PCCB: variants seen among roughly 807,000 people sequenced by gnomAD.
The protein encoded by PCCB is propionyl-CoA carboxylase subunit beta, also known as propionyl-CoA carboxylase beta chain, mitochondrial.
PCCB carries 43 observed loss-of-function variants against 60.7 expected under a neutral mutation model. That is an observed-to-expected ratio of 0.71 (90% CI 0.55 to 0.91). The LOEUF is 0.91. PCCB is among the 40% of genes least tolerant of loss of function. The pLI is 0.00. For synonymous variants in PCCB, 276 were observed against 255.9 expected (o/e 1.08, Z -0.75); for missense variants, 766 against 702.8 (o/e 1.09, Z -1.02).
intron 5 of PCCB, among the ~76,000 whole-genome samples, chr3:136,274,586 A>G (rs964719749): frequency 6.6e-6 from 1 of 152,160 alleles, no homozygotes; most frequent in Non-Finnish European, 1.5e-5. Context: ...AGATAGCCCG[A>G]TGACTATGTG....
At position 136,330,083 on chromosome 3, in the gene PCCB, A is replaced by G; in HGVS notation, c.*57A>G. The G allele has an allele frequency of 2.5e-6, 4 of 1,612,348 alleles. No homozygotes were observed. The East Asian group carries it at 6.7e-5, about 27-fold the overall frequency. Reference sequence around the variant, plus strand: ...ATTACTGTCTGCCCATTCACATCCCATTCCTGCCTTTTGCAATCATGAAAC... The same window carrying G: ...ATTACTGTCTGCCCATTCACATCCCGTTCCTGCCTTTTGCAATCATGAAAC... On this transcript the variant is annotated 3_prime_UTR_variant, in exon 15 of 15. Transcript: ENST00000251654.
chr3:136,279,257 A>C (rs901751719), intron 5 of PCCB, among the ~76,000 whole-genome samples: 5 of 152,186 alleles, frequency 3.3e-5, no homozygotes, highest in Non-Finnish European at 7.3e-5. Flanking sequence ...CCTGTCTTTT[A>C]ATAGAAGAGT....
intron 9 of PCCB, among the ~76,000 whole-genome samples, chr3:136,316,138 T>C (rs1934884108): frequency 6.6e-6 from 1 of 151,478 alleles, no homozygotes; most frequent in South Asian, 2.1e-4. Context: ...GAAGATCACT[T>C]GAGCCCAGGA....
chr3:136,302,532 T>G lies in PCCB; in HGVS notation c.966+1421T>G, dbSNP rs932009301. Among the ~76,000 whole-genome samples, 3 of 121,078 alleles carry G rather than the reference T, an allele frequency of 2.5e-5. 1 individual carries two copies. The highest frequency in any genetic ancestry group is 2.0e-4 in the Admixed American group (2 of 10,140). 79.4% of individuals were successfully genotyped at this position (121,078 alleles called of 152,430 possible). ...TTTGTAATTTTTTTCTGTCATTTAT[T>G]TAGGGTTTTATTTTATTTATTTATT... On this transcript the variant is annotated intron_variant, in intron 9 of 14. Coordinates refer to ENST00000251654, the MANE Select transcript of PCCB (RefSeq NM_000532.5).
chr3:136,253,191 G>GC (rs1301220302), intron 1 of PCCB, among the ~76,000 whole-genome samples: 2 of 147,148 alleles, frequency 1.4e-5, no homozygotes, highest in South Asian at 2.2e-4. Context: ...CCGGGTTCAT[G>GC]CCGTTCTCCT....
At chr3:136,315,312 C>T (rs977477376) in intron 9 of PCCB, among the ~76,000 whole-genome samples, 9 of 151,300 alleles carry the variant, frequency 5.9e-5, no homozygotes, top group East Asian at 2.0e-4. Flanking sequence ...CCGAGGTGGG[C>T]GGATCACGAG....
intron 1 of PCCB, among the ~76,000 whole-genome samples, chr3:136,252,961 A>C (rs575548251): frequency 6.1e-4 from 92 of 150,364 alleles, no homozygotes; most frequent in African/African-American, 2.2e-3. Context: ...TCCTAAGGGG[A>C]AAATAATAGC....
intron 6 of PCCB, among the ~76,000 whole-genome samples, chr3:136,284,365 T>C (rs1240078442): frequency 6.6e-6 from 1 of 152,202 alleles, no homozygotes; most frequent in Non-Finnish European, 1.5e-5. Context: ...GTGTCCATAA[T>C]GGTAAAGGAT....
chr3:136,261,852 G>T lies in PCCB; in HGVS notation c.430-100G>T, dbSNP rs368662776. ...GTTACTGCCTCCTGTTTTGAAAAGT[G>T]CACTCAGAACGTTTTCCAGAAAACA... On this transcript the variant is annotated intron_variant, in intron 4 of 14. Transcript: ENST00000251654. 5.0e-6 allele frequency: 4 copies of T among 792,362 alleles called. 1 individual carries two copies. The allele number at this position is 792,362 out of a possible 1,614,324, so 49.1% of individuals were successfully genotyped here.
chr3:136,309,350 C>A (rs2108217227), intron 9 of PCCB, among the ~76,000 whole-genome samples: 1 of 150,972 alleles, frequency 6.6e-6, no homozygotes. Context: ...CAGAATAAAT[C>A]CAAGAAATAA....
chr3:136,290,171 T>C (rs975974366), intron 6 of PCCB, among the ~76,000 whole-genome samples: 4 of 152,258 alleles, frequency 2.6e-5, no homozygotes, highest in Non-Finnish European at 1.5e-5. Context: ...TTACCTTTTC[T>C]GTAAAGAATT....
intron 9 of PCCB, among the ~76,000 whole-genome samples, chr3:136,312,506 G>A (rs930006224): frequency 6.6e-6 from 1 of 152,186 alleles, no homozygotes; most frequent in South Asian, 2.1e-4. Flanking sequence ...AATCTCAGGG[G>A]CAAAAATTAG....
At chr3:136,259,261 G>A (rs1193956981) in intron 3 of PCCB, 2 of 718,028 alleles carry the variant, frequency 2.8e-6, no homozygotes, top group Non-Finnish European at 4.0e-6. Context: ...GAGGCCAGGA[G>A]TTTGAAACTG....
rs557230310 is a variant in PCCB at position 136,252,640 on chromosome 3, A to G, written c.183+2082A>G. ...CCTTCTGGGCTCCAGTGATCCTTCC[A>G]CTTCAGCCTCCTACCCAGCTAATTT... On this transcript the variant is annotated intron_variant, in intron 1 of 14. Transcript: ENST00000251654. Among the ~76,000 whole-genome samples, 3 of 136,414 alleles carry G rather than the reference A, an allele frequency of 2.2e-5. No individual in the cohort carries two copies. In the East Asian group the frequency reaches 6.4e-4, roughly 29 times the overall value. The allele number at this position is 136,414 out of a possible 152,430, so 89.5% of individuals were successfully genotyped here. A position where few individuals can be genotyped will look rare whatever the true frequency, so the allele number is the denominator to read the frequency against.
At chr3:136,290,369 G>C (rs768247817) in intron 6 of PCCB, among the ~76,000 whole-genome samples, 5 of 152,022 alleles carry the variant, frequency 3.3e-5, no homozygotes, top group African/African-American at 4.8e-5. Flanking sequence ...TTCTTGCATG[G>C]TTTCTAAGAA....
intron 7 of PCCB, 113 bp downstream of exon 7, chr3:136,293,977 G>A (rs1183425676): frequency 2.8e-6 from 2 of 716,538 alleles, no homozygotes; most frequent in South Asian, 3.0e-5. Flanking sequence ...ACCTTATTTG[G>A]GAAGACTGTG....
chr3:136,323,118 T>C (rs1028511376), intron 10 of PCCB, among the ~76,000 whole-genome samples: 2 of 152,054 alleles, frequency 1.3e-5, no homozygotes, highest in Admixed American at 1.3e-4. Flanking sequence ...GAGTTTCTTA[T>C]ATTTCTAGTT....
chr3:136,324,802 G>A (rs969322001), intron 10 of PCCB, among the ~76,000 whole-genome samples: 10 of 152,178 alleles, frequency 6.6e-5, no homozygotes, highest in African/African-American at 1.7e-4. Context: ...AGACATATGC[G>A]GAAATTTGTG....
intron 5 of PCCB, 40 bp from the exon 6 acceptor site, chr3:136,283,797 A>G (rs761226622): frequency 2.2e-6 from 3 of 1,357,790 alleles, no homozygotes; most frequent in Non-Finnish European, 3.2e-6. Flanking sequence ...TGCCTCAAAC[A>G]TCTCTGTAAC....
Sources: gnomAD v4.1 joint callset for allele counts (sites outside exome capture counted in the v4.1 genomes callset) on GRCh38, gnomAD v4.1.1 for gene constraint, MANE v1.5 for transcripts, NCBI Gene and HGNC (gene_info 2026-07-23, HGNC 2026-07-21) for gene names.